The following UBE2D2 variants were observed in gnomAD, a reference collection of about 807,000 sequenced individuals.
UBE2D2 encodes ubiquitin-conjugating enzyme E2 D2.
In UBE2D2, 2 loss-of-function variants were observed where a neutral mutation model predicts 24.2. That is an observed-to-expected ratio of 0.08 (90% CI 0.03 to 0.26). The LOEUF (loss-of-function observed/expected upper bound fraction) is 0.26. Ranked by LOEUF, UBE2D2 falls within the 10% of genes least tolerant of loss-of-function variation. UBE2D2 has a pLI of 1.00. For missense variants in UBE2D2, 44 were observed against 177.6 expected (o/e 0.25, Z 4.28); for synonymous variants, 58 against 56.5 (o/e 1.03, Z -0.12).
chr5:139,581,947 G>A (rs1009153849), intron 1 of UBE2D2, among the ~76,000 whole-genome samples: 4 of 152,042 alleles, frequency 2.6e-5, no homozygotes, highest in East Asian at 3.9e-4. Flanking sequence ...GATTGCAGGC[G>A]TGAGCTACTG....
At chr5:139,547,579 G>C (rs1752850422) in intron 1 of UBE2D2, among the ~76,000 whole-genome samples, 1 of 151,614 alleles carries the variant, frequency 6.6e-6, no homozygotes, top group Admixed American at 6.6e-5. Context: ...ACATGATCTC[G>C]GCTCACTGCA....
intron 1 of UBE2D2, among the ~76,000 whole-genome samples, chr5:139,569,355 T>C (rs748755092): frequency 1.3e-4 from 20 of 152,212 alleles, no homozygotes; most frequent in Non-Finnish European, 2.5e-4. Flanking sequence ...CTAGGTTTTC[T>C]CTGAAGTCTC....
At chr5:139,625,440 C>CCCT (rs1390321656) in intron 6 of UBE2D2, among the ~76,000 whole-genome samples, 1 of 5,268 alleles carries the variant, frequency 1.9e-4, no homozygotes, top group Middle Eastern at 0.5. Context: ...ACCCCCCCCC[C>CCCT]TTTTTTTTTT....
At chr5:139,526,769 A>T (rs1203714926) in intron 1 of UBE2D2, among the ~76,000 whole-genome samples, 2 of 151,788 alleles carry the variant, frequency 1.3e-5, no homozygotes, top group Non-Finnish European at 2.9e-5. Context: ...TCTGAGTGGA[A>T]GTGTGGCCTG....
At chr5:139,598,385 A>G (rs1754002710) in intron 1 of UBE2D2, among the ~76,000 whole-genome samples, 2 of 152,018 alleles carry the variant, frequency 1.3e-5, no homozygotes, top group Admixed American at 1.3e-4. Flanking sequence ...TCAAAAACCA[A>G]GCTGAGGGGA....
chr5:139,567,889 C>A (rs1322727546), intron 1 of UBE2D2, among the ~76,000 whole-genome samples: 1 of 152,110 alleles, frequency 6.6e-6, no homozygotes, highest in Non-Finnish European at 1.5e-5. Context: ...ATACATTGAT[C>A]CCGTAGAAGT....
Position 139,561,532 on chromosome 5 carries a change from C to T in UBE2D2, c.-260C>T. On this transcript the variant is annotated 5_prime_UTR_variant, in exon 1 of 7. Transcript: ENST00000398733. ...CGCTGATCCTGGGAGGAAGAGGCAG[C>T]TACGGCGGCGGCGGCGGTGGCGGCT... 1 of 417,972 alleles carries T rather than the reference C, an allele frequency of 2.4e-6. No homozygotes were observed. The highest frequency in any genetic ancestry group is 4.2e-6 in the Non-Finnish European group (1 of 237,092). 25.9% of individuals were successfully genotyped at this position (417,972 alleles called of 1,614,324 possible).
At chr5:139,595,115 G>C (rs1402611258) in intron 1 of UBE2D2, among the ~76,000 whole-genome samples, 1 of 152,152 alleles carries the variant, frequency 6.6e-6, no homozygotes, top group Non-Finnish European at 1.5e-5. Flanking sequence ...CAGAGGGCTG[G>C]CTGTACTTTA....
intron 1 of UBE2D2, among the ~76,000 whole-genome samples, chr5:139,542,695 C>T (rs541117097): frequency 6.6e-6 from 1 of 152,082 alleles, no homozygotes; most frequent in East Asian, 1.9e-4. Flanking sequence ...CTCACAATAG[C>T]CAAAAGGTAG....
chr5:139,598,123 G>A (rs945610154), intron 1 of UBE2D2, among the ~76,000 whole-genome samples: 6 of 152,030 alleles, frequency 3.9e-5, no homozygotes, highest in East Asian at 1.9e-4. Context: ...GGATGGTCTC[G>A]ATCTCCTGAC....
chr5:139,593,371 T>G (rs555449270), intron 1 of UBE2D2, among the ~76,000 whole-genome samples: 1 of 152,270 alleles, frequency 6.6e-6, no homozygotes, highest in African/African-American at 2.4e-5. Flanking sequence ...AGCAGAACAC[T>G]CAAGTCCTTA....
At chr5:139,593,039 A>G (rs184739217) in intron 1 of UBE2D2, among the ~76,000 whole-genome samples, 2 of 131,566 alleles carry the variant, frequency 1.5e-5, no homozygotes, top group Non-Finnish European at 3.1e-5. Context: ...TCTGTTACCC[A>G]GGCTGGAGTG....
intron 1 of UBE2D2, among the ~76,000 whole-genome samples, chr5:139,578,414 C>A (rs1753525388): frequency 6.6e-6 from 1 of 151,154 alleles, no homozygotes; most frequent in African/African-American, 2.4e-5. Context: ...TGCCAAAATT[C>A]TAAACTTCTG....
rs1283039339 is a variant in UBE2D2, at chr5:139,583,337, GAAGT to G, written c.25-17029_25-17026del. On this transcript the variant is annotated intron_variant, in intron 1 of 6. Transcript: ENST00000398733. ...TTTTTAAGTGTTTTCACTACCAAAA[GAAGT>G]AAGTATGTGAAGTAAATAAGTATGT... 3.3e-5 allele frequency among the ~76,000 whole-genome samples: 5 copies of G among 152,310 alleles called. No individual in the cohort carries two copies. The East Asian group carries it at 5.8e-4, about 18-fold the overall frequency.
chr5:139,552,509 CT>C (rs35945797), intron 1 of UBE2D2, among the ~76,000 whole-genome samples: 36,015 of 123,868 alleles, frequency 0.29, 5,603 homozygotes, highest in African/African-American at 0.53. Context: ...TTTCTTTTTT[CT>C]TTTTTTTTTT....
At chr5:139,600,764 C>T (rs1754055446) in intron 2 of UBE2D2, among the ~76,000 whole-genome samples, 1 of 152,112 alleles carries the variant, frequency 6.6e-6, no homozygotes, top group Non-Finnish European at 1.5e-5. Context: ...GTGTCTGTGT[C>T]TGACTTTCTA....
intron 1 of UBE2D2, among the ~76,000 whole-genome samples, chr5:139,549,015 A>AT (rs1752871259): frequency 6.6e-6 from 1 of 151,794 alleles, no homozygotes; most frequent in African/African-American, 2.4e-5. Flanking sequence ...TGCCCAGCTA[A>AT]TTTTTTGTAT....
chr5:139,538,494 T>G (rs1421618722), intron 1 of UBE2D2, among the ~76,000 whole-genome samples: 1 of 152,132 alleles, frequency 6.6e-6, no homozygotes, highest in Non-Finnish European at 1.5e-5. Flanking sequence ...GACATCATGC[T>G]AAGTAAAATA....
intron 1 of UBE2D2, among the ~76,000 whole-genome samples, chr5:139,580,284 C>T (rs566671963): frequency 8.6e-5 from 13 of 151,890 alleles, no homozygotes; most frequent in East Asian, 5.8e-4. Flanking sequence ...AGGCTGGTCT[C>T]GAACTCCCGG....
Sources: allele counts gnomAD v4.1 joint callset (sites outside exome capture counted in the v4.1 genomes callset), GRCh38; gene constraint gnomAD v4.1.1; transcripts MANE v1.5; gene names NCBI Gene and HGNC (gene_info 2026-07-23, HGNC 2026-07-21).